The following GDPD1 variants were observed in gnomAD, a reference collection of about 807,000 sequenced individuals.
GDPD1 encodes lysophospholipase D GDPD1.
In GDPD1, 28 loss-of-function variants were observed where a neutral mutation model predicts 45.1. The observed-to-expected ratio is 0.62, with a 90% confidence interval of 0.46 to 0.85. The LOEUF is 0.85. Among genes scored for constraint, GDPD1 ranks in the 40% least tolerant of loss-of-function variants. GDPD1 has a pLI of 0.00. For missense variants in GDPD1, 256 were observed against 364.8 expected (o/e 0.70, Z 2.43); for synonymous variants, 139 against 131.4 (o/e 1.06, Z -0.40).
At chr17:59,247,010 C>G (rs959169912) in intron 3 of GDPD1, among the ~76,000 whole-genome samples, 9 of 151,996 alleles carry the variant, frequency 5.9e-5, no homozygotes, top group African/African-American at 2.2e-4. Context: ...TCAGTTGATC[C>G]TCCTGCCTTG....
intron 3 of GDPD1, among the ~76,000 whole-genome samples, chr17:59,246,960 G>A (rs539190576): frequency 6.6e-6 from 1 of 151,794 alleles, no homozygotes; most frequent in African/African-American, 2.4e-5. Context: ...TAGAGACGGG[G>A]TTTCACCATG....
chr17:59,268,737 T>G (rs2047420903), intron 7 of GDPD1, among the ~76,000 whole-genome samples: 2 of 151,884 alleles, frequency 1.3e-5, no homozygotes. Context: ...GTAGCAGTCA[T>G]CAGACAATAT....
chr17:59,269,173 T>C (rs1391128275), intron 7 of GDPD1, among the ~76,000 whole-genome samples: 1 of 151,964 alleles, frequency 6.6e-6, no homozygotes, highest in African/African-American at 2.4e-5. Flanking sequence ...GGCAGACACC[T>C]GTAATCTCAG....
chr17:59,238,613 C>T (rs2047153048), intron 2 of GDPD1, among the ~76,000 whole-genome samples: 1 of 152,026 alleles, frequency 6.6e-6, no homozygotes, highest in African/African-American at 2.4e-5. Flanking sequence ...CAGGGTTTCA[C>T]CATGTTAGCC....
chr17:59,240,652 G>A (rs1284295158), intron 2 of GDPD1, among the ~76,000 whole-genome samples: 4 of 151,828 alleles, frequency 2.6e-5, no homozygotes, highest in South Asian at 2.1e-4. Flanking sequence ...AATTTTTTTC[G>A]TAAAGATGAG....
chr17:59,256,715 GA>G (rs2047312129), intron 4 of GDPD1, among the ~76,000 whole-genome samples: 1 of 152,168 alleles, frequency 6.6e-6, no homozygotes, highest in Admixed American at 6.6e-5. Flanking sequence ...AGATTTGCAA[GA>G]AGGTTACCAC....
rs953391086 is a variant in GDPD1 at position 59,252,066 on chromosome 17, G to C, written c.367+3281G>C. ...CTCAGATTAGTCAAAAAGTGGTTCCGTTTTTTCTATCCTATTCCCTTGCAT... is the reference window on the plus strand; with the variant it reads ...CTCAGATTAGTCAAAAAGTGGTTCCCTTTTTTCTATCCTATTCCCTTGCAT... On this transcript the variant is annotated intron_variant, in intron 4 of 9. Coordinates refer to ENST00000284116, the MANE Select transcript of GDPD1 (RefSeq NM_182569.4). 1.1e-4 allele frequency among the ~76,000 whole-genome samples: 16 copies of C among 148,334 alleles called. No individual in the cohort carries two copies. In the Admixed American group the frequency reaches 1.1e-3, roughly 10 times the overall value.
chr17:59,267,326 A>C, intron 7 of GDPD1, 152 bp downstream of exon 7: 1 of 648,484 alleles, frequency 1.5e-6, no homozygotes, highest in East Asian at 2.8e-5. Flanking sequence ...TTTTTATATA[A>C]TTAAGACACA....
rs1482911379 is a variant in GDPD1 at position 59,267,034 on chromosome 17, CTT to C, written c.577-4_577-3del. ...AAATAACATGTAATATTGCTTGTGT[CTT>C]TTAGAATTCAGATATTCCTATACTC... On this transcript the variant is annotated splice_region_variant and splice_polypyrimidine_tract_variant and intron_variant, in intron 6 of 9. Coordinates refer to ENST00000284116, the MANE Select transcript of GDPD1 (RefSeq NM_182569.4). 1 of 1,603,296 alleles carries C rather than the reference CTT, an allele frequency of 6.2e-7. No homozygotes were observed. The highest frequency in any genetic ancestry group is 8.5e-7 in the Non-Finnish European group (1 of 1,173,708).
intron 1 of GDPD1, among the ~76,000 whole-genome samples, chr17:59,223,629 G>A (rs1298529951): frequency 6.6e-6 from 1 of 152,130 alleles, no homozygotes; most frequent in Non-Finnish European, 1.5e-5. Flanking sequence ...TTCCCTATAA[G>A]TAAGGAAACA....
chr17:59,236,131 A>G (rs186889710), intron 2 of GDPD1, among the ~76,000 whole-genome samples: 1 of 152,202 alleles, frequency 6.6e-6, no homozygotes, highest in Non-Finnish European at 1.5e-5. Context: ...TTTTTGTTAA[A>G]TTTTTACCAA....
intron 6 of GDPD1, among the ~76,000 whole-genome samples, chr17:59,261,127 A>G (rs1597987445): frequency 6.6e-6 from 1 of 152,070 alleles, no homozygotes; most frequent in African/African-American, 2.4e-5. Flanking sequence ...TGCCATGCCC[A>G]GCTAATTTTT....
At chr17:59,236,561 T>C (rs763657390) in intron 2 of GDPD1, among the ~76,000 whole-genome samples, 1 of 152,138 alleles carries the variant, frequency 6.6e-6, no homozygotes, top group Non-Finnish European at 1.5e-5. Context: ...AATGGCGGGA[T>C]CTCAGCTCAC....
chr17:59,263,581 C>CT (rs2047375927), intron 6 of GDPD1, among the ~76,000 whole-genome samples: 1 of 149,460 alleles, frequency 6.7e-6, no homozygotes, highest in Non-Finnish European at 1.5e-5. Context: ...CGGGTTCAAG[C>CT]GATTCTCCTC....
At chr17:59,270,382 C>T (rs1489763401) in intron 7 of GDPD1, among the ~76,000 whole-genome samples, 5 of 147,236 alleles carry the variant, frequency 3.4e-5, no homozygotes, top group Admixed American at 6.8e-5. Context: ...TTAGTAGAGA[C>T]GGGGGGGGGT....
In GDPD1 at chr17:59,220,530, G is replaced by T; in HGVS notation, c.-80G>T. On this transcript the variant is annotated 5_prime_UTR_variant, in exon 1 of 10. Coordinates refer to ENST00000284116, the MANE Select transcript of GDPD1 (RefSeq NM_182569.4). ...GGGGGCGAGCCGACCTCGAGCAGCC[G>T]CCGCCGCCGCCGTCGTTGCTACTGC... 2 of 1,500,096 alleles carry T rather than the reference G, an allele frequency of 1.3e-6. No homozygotes were observed. The highest frequency in any genetic ancestry group is 1.8e-6 in the Non-Finnish European group (2 of 1,104,226). The allele number at this position is 1,500,096 out of a possible 1,614,324, so 92.9% of individuals were successfully genotyped here.
At chr17:59,227,192 G>A (rs910838892) in intron 1 of GDPD1, among the ~76,000 whole-genome samples, 3 of 151,822 alleles carry the variant, frequency 2.0e-5, no homozygotes, top group Admixed American at 6.6e-5. Flanking sequence ...TTGGGAGGCC[G>A]AGGATCACCT....
At chr17:59,221,445 C>CAATAAATAAATA (rs71145536) in intron 1 of GDPD1, among the ~76,000 whole-genome samples, 51 of 135,428 alleles carry the variant, frequency 3.8e-4, no homozygotes, top group African/African-American at 1.3e-3. Context: ...TTGAACACTG[C>CAATAAATAAATA]AATAAATAAA....
intron 1 of GDPD1, among the ~76,000 whole-genome samples, chr17:59,228,400 A>C (rs889279318): frequency 6.6e-6 from 1 of 152,106 alleles, no homozygotes; most frequent in African/African-American, 2.4e-5. Context: ...TAAGCAATTC[A>C]TGGGAATGGG....
Sources: allele counts gnomAD v4.1 joint callset (sites outside exome capture counted in the v4.1 genomes callset), GRCh38; gene constraint gnomAD v4.1.1; transcripts MANE v1.5; gene names NCBI Gene and HGNC (gene_info 2026-07-23, HGNC 2026-07-21).